Variants in STPG4 observed in about 807,000 individuals in gnomAD.
STPG4 encodes the protein sperm-tail PG-rich repeat containing 4.
Under a neutral mutation model 31.5 loss-of-function variants are expected in STPG4, and 41 were observed. The observed-to-expected ratio is 1.30, with a 90% CI of 1.01 to 1.69. The LOEUF (loss-of-function observed/expected upper bound fraction) is 1.69, where lower values mean the gene tolerates loss of function less well. Ranked by LOEUF, STPG4 falls within the 40% of genes most tolerant of loss-of-function variation. The pLI is 0.00. For synonymous variants in STPG4, 141 were observed against 103.0 expected, an observed-to-expected ratio of 1.37 and a Z score of -2.24; for missense variants, 375 against 293.4, an observed-to-expected ratio of 1.28 and a Z score of -2.03.
At chr2:47,120,303 C>A (rs1031269264) in intron 5 of STPG4, among the ~76,000 whole-genome samples, 4 of 152,058 alleles carry the variant, frequency 2.6e-5, no homozygotes, top group African/African-American at 9.7e-5. Flanking sequence ...TGCACTCCAA[C>A]GTGGGCGACA....
chr2:47,088,791 G>T (rs1217610856), intron 6 of STPG4, among the ~76,000 whole-genome samples: 2 of 152,206 alleles, frequency 1.3e-5, no homozygotes, highest in East Asian at 1.9e-4. Context: ...AAGCAGAGGA[G>T]CAGCCTGGAA....
chr2:47,121,245 C>A, intron 5 of STPG4: 1 of 154,256 alleles, frequency 6.5e-6, no homozygotes, highest in Middle Eastern at 5.2e-4. Flanking sequence ...CATATCCCTA[C>A]AGGAGACAGG....
intron 5 of STPG4, among the ~76,000 whole-genome samples, chr2:47,091,213 A>C (rs530149041): frequency 9.9e-5 from 15 of 152,200 alleles, no homozygotes; most frequent in Middle Eastern, 3.2e-3. Context: ...CCAAAGCTTT[A>C]ACAACAAGCA....
At chr2:47,097,333 C>T (rs1267592795) in intron 5 of STPG4, among the ~76,000 whole-genome samples, 1 of 152,164 alleles carries the variant, frequency 6.6e-6, no homozygotes, top group African/African-American at 2.4e-5. Flanking sequence ...CGCACACGTT[C>T]TATTTCCCAG....
chr2:47,090,431 G>A (rs903519085), intron 5 of STPG4, 57 bp from the exon 6 acceptor site: 2 of 1,120,110 alleles, frequency 1.8e-6, no homozygotes, highest in Admixed American at 2.1e-5. Context: ...ATATTTTAAG[G>A]CTTTATTTGC....
intron 1 of STPG4, among the ~76,000 whole-genome samples, chr2:47,154,585 G>A (rs1182616084): frequency 1.3e-5 from 2 of 152,164 alleles, no homozygotes; most frequent in African/African-American, 4.8e-5. Context: ...TGTAACAAAG[G>A]CCAGCCATGG....
In STPG4 at chr2:47,087,056, G is replaced by A. The variant is rs1006639777; in HGVS notation, c.699C>T (p.Gly233=). The A allele has an allele frequency of 1.3e-6, 2 of 1,551,626 alleles. No homozygotes were observed. The highest frequency in any genetic ancestry group is 2.7e-5 in the African/African-American group (2 of 73,052). ...PKQSPTIAKM[G]QEHSLFFNNN... ...TGTTGAAGAAAAGGCTATGCTCTTGGCCCATTTTGGCTATGGTCGGAGACT... is the reference window on the plus strand; with the variant it reads ...TGTTGAAGAAAAGGCTATGCTCTTGACCCATTTTGGCTATGGTCGGAGACT... The change falls in exon 7 of 7, where the codon GGC becomes GGT. Residue 233 remains glycine, a synonymous_variant. Coordinates refer to ENST00000445927, the MANE Select transcript of STPG4 (RefSeq NM_001163561.2).
At chr2:47,100,780 C>G (rs1337007182) in intron 5 of STPG4, among the ~76,000 whole-genome samples, 2 of 151,700 alleles carry the variant, frequency 1.3e-5, no homozygotes, top group Non-Finnish European at 2.9e-5. Context: ...AGCTGTAACA[C>G]TCACCACGAA....
chr2:47,137,593 G>A (rs1056836674), intron 3 of STPG4, among the ~76,000 whole-genome samples: 2 of 152,136 alleles, frequency 1.3e-5, no homozygotes, highest in African/African-American at 4.8e-5. Flanking sequence ...GAATTCACCT[G>A]TGAACGCATC....
chr2:47,089,918 A>C (rs1007479694), intron 6 of STPG4, among the ~76,000 whole-genome samples: 10 of 152,308 alleles, frequency 6.6e-5, no homozygotes, highest in African/African-American at 2.4e-4. Context: ...ACACACAGAG[A>C]ACAGCCATTC....
intron 5 of STPG4, among the ~76,000 whole-genome samples, chr2:47,118,310 G>A (rs1686193050): frequency 6.6e-6 from 1 of 152,190 alleles, no homozygotes; most frequent in Admixed American, 6.5e-5. Context: ...AAGGGATCTA[G>A]GTTGTGCACT....
chr2:47,115,042 A>ACG (rs2103759934), intron 5 of STPG4, among the ~76,000 whole-genome samples: 1 of 152,278 alleles, frequency 6.6e-6, no homozygotes, highest in East Asian at 1.9e-4. Flanking sequence ...TGCTGCGATT[A>ACG]CAAGCATAAG....
chr2:47,124,194 G>T (rs1223017578), intron 5 of STPG4, among the ~76,000 whole-genome samples: 1 of 151,992 alleles, frequency 6.6e-6, no homozygotes, highest in Non-Finnish European at 1.5e-5. Context: ...TGTTGGCCAG[G>T]CTGGTAGGCT....
chr2:47,095,649 A>G (rs6729630), intron 5 of STPG4, among the ~76,000 whole-genome samples: 151,160 of 152,338 alleles, frequency 0.99, 74,998 homozygotes, highest in East Asian at 1. Context: ...GTTCCAGGCC[A>G]TGGGCTGGAA....
In STPG4 at chr2:47,086,998, CA is replaced by C; in HGVS notation, c.*9del. The C allele has an allele frequency of 6.4e-7, 1 of 1,551,528 alleles. No individual in the cohort carries two copies. The highest frequency in any genetic ancestry group is 8.7e-7 in the Non-Finnish European group (1 of 1,146,916). ...TAAACCTCAAAGTAGAGCTTGGTGC[CA>C]AGATCACTTTATTTTAAAAGCCAAT... is the stretch of plus-strand genomic sequence containing the variant. On this transcript the variant is annotated 3_prime_UTR_variant, in exon 7 of 7. Coordinates refer to ENST00000445927, the MANE Select transcript of STPG4 (RefSeq NM_001163561.2).
In STPG4 at chr2:47,151,246, G is replaced by C; in HGVS notation, c.399+12C>G. The C allele has an allele frequency of 6.2e-7, 1 of 1,613,600 alleles. No homozygotes were observed. Among genetic ancestry groups the C allele is most frequent in the East Asian group, 2.2e-5 (1 of 44,874 alleles). Reference sequence around the variant, plus strand: ...CTTTCCCACACAAAGCAATCTGCCAGTAGCGCTTTACCTGATCTTTGTCAA... The same window carrying C: ...CTTTCCCACACAAAGCAATCTGCCACTAGCGCTTTACCTGATCTTTGTCAA... On this transcript the variant is annotated intron_variant, in intron 3 of 6. Coordinates refer to ENST00000445927, the MANE Select transcript of STPG4 (RefSeq NM_001163561.2).
chr2:47,097,953 TAAA>T (rs35729993), intron 5 of STPG4, among the ~76,000 whole-genome samples: 11,742 of 130,008 alleles, frequency 0.09, 617 homozygotes, highest in South Asian at 0.19. Context: ...CCCCATCTCT[TAAA>T]AAAAAAAAAA....
At chr2:47,147,532 G>C (rs1686847417) in intron 3 of STPG4, among the ~76,000 whole-genome samples, 1 of 152,176 alleles carries the variant, frequency 6.6e-6, no homozygotes, top group South Asian at 2.1e-4. Context: ...AGATTGTAGA[G>C]AGTTGAAATT....
chr2:47,113,848 C>A (rs1020486431), intron 5 of STPG4, among the ~76,000 whole-genome samples: 1 of 151,846 alleles, frequency 6.6e-6, no homozygotes, highest in East Asian at 1.9e-4. Flanking sequence ...TCCTGGCCAA[C>A]ATGGTGAAAC....
Sources: allele counts gnomAD v4.1 joint callset (sites outside exome capture counted in the v4.1 genomes callset), GRCh38; gene constraint gnomAD v4.1.1; transcripts MANE v1.5; gene names NCBI Gene and HGNC (gene_info 2026-07-23, HGNC 2026-07-21).